WASF1: variants seen among roughly 807,000 people sequenced by gnomAD.
WASF1 encodes actin-binding protein WASF1.
In WASF1, 7 loss-of-function variants were observed where a neutral mutation model predicts 50.5. That is an observed-to-expected ratio of 0.14 (90% confidence interval 0.08 to 0.26). WASF1 has a LOEUF of 0.26. Among genes scored for constraint, WASF1 ranks in the 10% least tolerant of loss-of-function variants. WASF1 has a pLI of 1.00. For missense variants in WASF1, 470 were observed against 694.7 expected (o/e 0.68, Z 3.64); for synonymous variants, 205 against 244.0 (o/e 0.84, Z 1.49).
intron 4 of WASF1, among the ~76,000 whole-genome samples, chr6:110,119,936 A>G (rs1301412943): frequency 1.3e-5 from 2 of 152,168 alleles, no homozygotes; most frequent in Non-Finnish European, 1.5e-5. Flanking sequence ...CAAATGACAA[A>G]AACCACATGA....
At chr6:110,105,087 A>C (rs1227578545) in intron 8 of WASF1, among the ~76,000 whole-genome samples, 1 of 152,200 alleles carries the variant, frequency 6.6e-6, no homozygotes, top group Non-Finnish European at 1.5e-5. Context: ...CCCAGACCCT[A>C]AACTTTTATT....
chr6:110,129,187 C>T (rs1774550781), intron 3 of WASF1, among the ~76,000 whole-genome samples: 1 of 152,168 alleles, frequency 6.6e-6, no homozygotes, highest in Non-Finnish European at 1.5e-5. Context: ...CACCTACAGA[C>T]AGCAAAGCAT....
intron 4 of WASF1, among the ~76,000 whole-genome samples, chr6:110,125,988 A>G (rs1774400213): frequency 6.6e-6 from 1 of 152,196 alleles, no homozygotes; most frequent in Non-Finnish European, 1.5e-5. Flanking sequence ...TCTAAATTCT[A>G]TATTGGGTAT....
intron 3 of WASF1, among the ~76,000 whole-genome samples, chr6:110,142,393 T>C (rs1224311744): frequency 6.6e-6 from 1 of 152,174 alleles, no homozygotes; most frequent in Non-Finnish European, 1.5e-5. Context: ...CCTCATCCTT[T>C]CTTTTTACTT....
intron 4 of WASF1, among the ~76,000 whole-genome samples, chr6:110,119,289 C>T (rs1390649485): frequency 6.6e-6 from 1 of 152,050 alleles, no homozygotes; most frequent in Non-Finnish European, 1.5e-5. Context: ...AGATAGACCG[C>T]TAGCAAGACT....
At chr6:110,103,698 A>G (rs1773194179) in intron 8 of WASF1, 141 bp from the exon 9 acceptor site, 1 of 753,664 alleles carries the variant, frequency 1.3e-6, no homozygotes, top group Non-Finnish European at 2.0e-6. Flanking sequence ...GAAATGTATT[A>G]TATTAATCCT....
intron 5 of WASF1, among the ~76,000 whole-genome samples, chr6:110,109,249 T>G (rs1269382093): frequency 6.6e-6 from 1 of 152,146 alleles, no homozygotes; most frequent in African/African-American, 2.4e-5. Flanking sequence ...TCACTTATCT[T>G]TTATCTGTAC....
intron 3 of WASF1, among the ~76,000 whole-genome samples, chr6:110,148,339 C>T (rs1448772457): frequency 1.3e-5 from 2 of 151,812 alleles, no homozygotes; most frequent in Non-Finnish European, 2.9e-5. Context: ...AACAATCCCC[C>T]GTGTATTTCC....
At position 110,108,623 on chromosome 6, in the gene WASF1, C is replaced by G; in HGVS notation, c.327G>C (p.Gln109His). Residue 109 changes from glutamine to histidine, a missense_variant, in exon 6 of 11, where the codon CAG becomes CAC. Coordinates refer to ENST00000392589, the MANE Select transcript of WASF1 (RefSeq NM_003931.3). ...KAFRSSTIQDQQLFDRKTLPI... is the reference protein window; with the variant it reads ...KAFRSSTIQDHQLFDRKTLPI... ...GCAAAGTCTTGCGATCGAAAAGCTG[C>G]TGGTCTTGAATTGTAGAACTTCGGA... is the stretch of plus-strand genomic sequence containing the variant. 6.2e-7 allele frequency: 1 copy of G among 1,614,058 alleles called. No individual in the cohort carries two copies. Among genetic ancestry groups the G allele is most frequent in the Non-Finnish European group, 8.5e-7 (1 of 1,179,964 alleles).
intron 2 of WASF1, among the ~76,000 whole-genome samples, chr6:110,162,578 C>T (rs952332372): frequency 1.3e-5 from 2 of 151,348 alleles, no homozygotes; most frequent in Non-Finnish European, 3.0e-5. Context: ...AAGTGAGATT[C>T]ATCCTAGATA....
At chr6:110,125,799 T>C (rs1774392688) in intron 4 of WASF1, among the ~76,000 whole-genome samples, 1 of 152,214 alleles carries the variant, frequency 6.6e-6, no homozygotes. Context: ...CCTAATTTAG[T>C]TATATTGTTA....
At chr6:110,166,570 T>C (rs1409169649) in intron 2 of WASF1, among the ~76,000 whole-genome samples, 1 of 151,934 alleles carries the variant, frequency 6.6e-6, no homozygotes, top group Non-Finnish European at 1.5e-5. Context: ...TAGCAATGGA[T>C]GAGAATTTTT....
At chr6:110,176,752 C>A (rs1312031592) in intron 2 of WASF1, among the ~76,000 whole-genome samples, 2 of 152,044 alleles carry the variant, frequency 1.3e-5, no homozygotes, top group Admixed American at 6.5e-5. Context: ...AGAAAAACCA[C>A]GACTTTACTG....
intron 3 of WASF1, among the ~76,000 whole-genome samples, chr6:110,158,746 T>A (rs1174594025): frequency 1.3e-5 from 2 of 151,928 alleles, no homozygotes; most frequent in Non-Finnish European, 2.9e-5. Context: ...ATGATTCATG[T>A]TGGAGTTAAG....
At chr6:110,133,788 TAC>T (rs1221555280) in intron 3 of WASF1, among the ~76,000 whole-genome samples, 1 of 152,188 alleles carries the variant, frequency 6.6e-6, no homozygotes, top group African/African-American at 2.4e-5. Flanking sequence ...TTGTCAGATG[TAC>T]AGAGTGTGAA....
At chr6:110,130,235 T>A (rs560800449) in intron 3 of WASF1, among the ~76,000 whole-genome samples, 1 of 152,318 alleles carries the variant, frequency 6.6e-6, no homozygotes, top group East Asian at 1.9e-4. Flanking sequence ...TACAAAATTG[T>A]ACACCTCAAA....
chr6:110,132,884 T>A (rs1355815888), intron 3 of WASF1, among the ~76,000 whole-genome samples: 1 of 150,490 alleles, frequency 6.6e-6, no homozygotes, highest in Non-Finnish European at 1.5e-5. Flanking sequence ...TTTTTATGGC[T>A]GTGTAGTATT....
At chr6:110,118,726 A>G (rs1773934917) in intron 4 of WASF1, among the ~76,000 whole-genome samples, 1 of 152,194 alleles carries the variant, frequency 6.6e-6, no homozygotes, top group Non-Finnish European at 1.5e-5. Flanking sequence ...CACACCCCAA[A>G]TCAATAGAAT....
chr6:110,118,703 A>T (rs1041325850), intron 4 of WASF1, among the ~76,000 whole-genome samples: 2 of 152,218 alleles, frequency 1.3e-5, no homozygotes, highest in African/African-American at 4.8e-5. Flanking sequence ...CCTAATAGAC[A>T]TCTACAGAAC....
Sources: allele counts gnomAD v4.1 joint callset (sites outside exome capture counted in the v4.1 genomes callset), GRCh38; gene constraint gnomAD v4.1.1; transcripts MANE v1.5; gene names NCBI Gene and HGNC (gene_info 2026-07-23, HGNC 2026-07-21).